AGBL1: variants seen among roughly 807,000 people sequenced by gnomAD.
The protein encoded by AGBL1 is cytosolic carboxypeptidase 4.
In AGBL1, 130 loss-of-function variants were observed where a neutral mutation model predicts 118.9. That is an observed-to-expected ratio of 1.09 (90% CI 0.95 to 1.26). AGBL1 has a LOEUF of 1.26. Ranked by LOEUF, AGBL1 falls within the 50% of genes most tolerant of loss-of-function variation. AGBL1 has a pLI of 0.00. For synonymous variants in AGBL1, 555 were observed against 478.9 expected (o/e 1.16, Z -2.08); for missense variants, 1,584 against 1,298.1 (o/e 1.22, Z -3.38).
intron 21 of AGBL1, among the ~76,000 whole-genome samples, chr15:86,616,348 A>AT (rs2084723663): frequency 1.4e-5 from 1 of 70,776 alleles, no homozygotes; most frequent in Admixed American, 1.7e-4. Flanking sequence ...TCAAAAAAAA[A>AT]AAAAAAAAAA....
intron 7 of AGBL1, among the ~76,000 whole-genome samples, chr15:86,252,511 T>C (rs977443295): frequency 6.6e-5 from 10 of 152,114 alleles, no homozygotes; most frequent in Admixed American, 2.0e-4. Flanking sequence ...TTCAGGAAAC[T>C]TAGAATCCTA....
intron 8 of AGBL1, among the ~76,000 whole-genome samples, chr15:86,257,534 C>A (rs920262575): frequency 6.6e-6 from 1 of 152,108 alleles, no homozygotes; most frequent in African/African-American, 2.4e-5. Context: ...TACAAGATGC[C>A]TTCTATGGAC....
intron 22 of AGBL1, among the ~76,000 whole-genome samples, chr15:86,760,732 A>C (rs2078011604): frequency 6.6e-6 from 1 of 152,030 alleles, no homozygotes; most frequent in African/African-American, 2.4e-5. Context: ...TCTTTTCTTC[A>C]TTATCATAAC....
At chr15:86,993,826 G>T (rs535215781) in intron 24 of AGBL1, among the ~76,000 whole-genome samples, 8 of 152,088 alleles carry the variant, frequency 5.3e-5, no homozygotes, top group South Asian at 4.2e-4. Flanking sequence ...TTTTATTAGC[G>T]CTGGCCTGCT....
At chr15:86,417,214 C>T (rs1232342865) in intron 18 of AGBL1, among the ~76,000 whole-genome samples, 1 of 152,150 alleles carries the variant, frequency 6.6e-6, no homozygotes, top group South Asian at 2.1e-4. Context: ...ATTTCTTAAA[C>T]CATGTTAATA....
chr15:86,605,671 A>C (rs771522954), intron 21 of AGBL1, among the ~76,000 whole-genome samples: 3 of 152,126 alleles, frequency 2.0e-5, no homozygotes, highest in Non-Finnish European at 4.4e-5. Flanking sequence ...TGCTAGTCCA[A>C]TCTCCAGTTG....
At chr15:86,999,063 T>G (rs994458206) in intron 24 of AGBL1, among the ~76,000 whole-genome samples, 4 of 148,850 alleles carry the variant, frequency 2.7e-5, no homozygotes, top group East Asian at 2.0e-4. Flanking sequence ...TGTCCAAGTG[T>G]GCTCACTGTT....
chr15:86,692,437 G>T (rs957396041), intron 22 of AGBL1, among the ~76,000 whole-genome samples: 2 of 152,052 alleles, frequency 1.3e-5, no homozygotes, highest in African/African-American at 4.8e-5. Flanking sequence ...GCGAAGAATT[G>T]CCCTCACCTA....
chr15:86,549,912 G>A (rs924484756), intron 20 of AGBL1, among the ~76,000 whole-genome samples: 3 of 150,176 alleles, frequency 2.0e-5, no homozygotes, highest in Non-Finnish European at 4.4e-5. Flanking sequence ...GAGGAAGGAA[G>A]GAAGGAAGGA....
At chr15:86,148,790 C>A (rs1462720469) in intron 3 of AGBL1, among the ~76,000 whole-genome samples, 1 of 152,148 alleles carries the variant, frequency 6.6e-6, no homozygotes, top group Non-Finnish European at 1.5e-5. Context: ...CACAAAGATA[C>A]TCCTCGAGAA....
chr15:87,013,074 T>TAC (rs2081577085), intron 24 of AGBL1, among the ~76,000 whole-genome samples: 2 of 152,240 alleles, frequency 1.3e-5, no homozygotes, highest in Admixed American at 6.5e-5. Flanking sequence ...CCTGAATTAG[T>TAC]TTAACATTTC....
chr15:86,688,147 G>T (rs1364925898), intron 22 of AGBL1, among the ~76,000 whole-genome samples: 1 of 152,144 alleles, frequency 6.6e-6, no homozygotes, highest in African/African-American at 2.4e-5. Flanking sequence ...TGCAGCTAAA[G>T]GGGAAGGCAC....
intron 23 of AGBL1, among the ~76,000 whole-genome samples, chr15:86,926,238 T>C (rs965170280): frequency 6.6e-6 from 1 of 152,200 alleles, no homozygotes. Flanking sequence ...AAAGAAGTTA[T>C]TGTGGAGGAT....
intron 24 of AGBL1, among the ~76,000 whole-genome samples, chr15:86,997,061 C>CT (rs113620923): frequency 0.098 from 14,907 of 152,074 alleles, 1,290 homozygotes; most frequent in African/African-American, 0.23. Context: ...CATGAATAGC[C>CT]TTTTTTTCTT....
At chr15:87,003,143 A>G (rs2081458624) in intron 24 of AGBL1, among the ~76,000 whole-genome samples, 1 of 151,954 alleles carries the variant, frequency 6.6e-6, no homozygotes, top group Non-Finnish European at 1.5e-5. Flanking sequence ...TTATTTTCAG[A>G]TACGTCCCTT....
chr15:86,807,216 C>A (rs2078727911), intron 22 of AGBL1, among the ~76,000 whole-genome samples: 1 of 152,160 alleles, frequency 6.6e-6, no homozygotes, highest in Admixed American at 6.6e-5. Context: ...AAATAGTGAG[C>A]ACTTTAGCCT....
At chr15:86,406,363 G>A (rs554267651) in intron 18 of AGBL1, among the ~76,000 whole-genome samples, 1 of 152,306 alleles carries the variant, frequency 6.6e-6, no homozygotes, top group African/African-American at 2.4e-5. Context: ...ACATGCCGTA[G>A]TATGGTTCTT....
chr15:86,838,992 C>A (rs147164768), intron 22 of AGBL1, among the ~76,000 whole-genome samples: 9 of 136,492 alleles, frequency 6.6e-5, no homozygotes, highest in African/African-American at 1.1e-4. Flanking sequence ...GCAGAGGAGA[C>A]TAGAATGATT....
rs577077362 is a variant in AGBL1, at chr15:86,513,812, A to G, written c.2556-8998A>G. Among the ~76,000 whole-genome samples the G allele has an allele frequency of 7.2e-5, 11 of 152,202 alleles. No individual in the cohort carries two copies. In the East Asian group the frequency reaches 1.7e-3, roughly 24 times the overall value. On this transcript the variant is annotated intron_variant, in intron 18 of 22. Transcript: ENST00000614907. Reference sequence around the variant, plus strand: ...TTTATTCTATGGGTTATAACATAGTACTATTGTTCGTGGTCAAATCTTACT... The same window carrying G: ...TTTATTCTATGGGTTATAACATAGTGCTATTGTTCGTGGTCAAATCTTACT...
Sources: allele counts gnomAD v4.1 joint callset (sites outside exome capture counted in the v4.1 genomes callset), GRCh38; gene constraint gnomAD v4.1.1; transcripts MANE v1.5; gene names NCBI Gene and HGNC (gene_info 2026-07-23, HGNC 2026-07-21).